Variants in COBLL1 observed in about 807,000 individuals in gnomAD.
COBLL1 encodes cordon-bleu protein-like 1.
In COBLL1, 50 loss-of-function variants were observed where a neutral mutation model predicts 94.8. That is an observed-to-expected ratio of 0.53 (90% CI 0.42 to 0.67). The LOEUF is 0.67. COBLL1 is among the 30% of genes least tolerant of loss of function. The pLI is 0.00. For synonymous variants in COBLL1, 448 were observed against 473.8 expected (o/e 0.95, Z 0.71); for missense variants, 1,362 against 1,348.7 (o/e 1.01, Z -0.15).
intron 13 of COBLL1, chr2:164,687,592 A>C: frequency 8.5e-7 from 1 of 1,171,260 alleles, no homozygotes; most frequent in Non-Finnish European, 1.3e-6. Context: ...GCCTGTTTGA[A>C]GCCTACATTG....
intron 2 of COBLL1, among the ~76,000 whole-genome samples, chr2:164,763,552 AC>A (rs759330336): frequency 2.0e-3 from 306 of 152,320 alleles, no homozygotes; most frequent in Non-Finnish European, 3.6e-3. Flanking sequence ...ATTTTTGAAA[AC>A]AAAAGACTAG....
intron 7 of COBLL1, chr2:164,718,248 G>A (rs1459361028): frequency 1.5e-5 from 15 of 984,540 alleles, no homozygotes; most frequent in Non-Finnish European, 1.8e-5. Flanking sequence ...CTGCCTTCTG[G>A]GTGGGGAAAA....
chr2:164,688,504 T>TA (rs1202944634), intron 13 of COBLL1, among the ~76,000 whole-genome samples: 1 of 152,148 alleles, frequency 6.6e-6, no homozygotes, highest in Non-Finnish European at 1.5e-5. Context: ...TACAGATACT[T>TA]AAAAAAACAG....
At chr2:164,673,113 G>A (rs1023623560) in intron 1 of COBLL1, among the ~76,000 whole-genome samples, 13 of 152,128 alleles carry the variant, frequency 8.5e-5, no homozygotes, top group African/African-American at 3.1e-4. Flanking sequence ...CATAATTCAT[G>A]TCTGTTATTC....
chr2:164,790,831 G>A (rs355911), intron 2 of COBLL1, among the ~76,000 whole-genome samples: 42,711 of 151,876 alleles, frequency 0.28, 6,516 homozygotes, highest in African/African-American at 0.39. Flanking sequence ...ACCATTGATC[G>A]CTGATGGGAA....
intron 7 of COBLL1, among the ~76,000 whole-genome samples, chr2:164,712,045 G>T (rs1206963631): frequency 6.6e-6 from 1 of 152,128 alleles, no homozygotes; most frequent in Admixed American, 6.5e-5. Context: ...ATGCCAGATT[G>T]TTAATCCCCC....
At chr2:164,733,056 AAAAAC>A (rs778368211) in intron 3 of COBLL1, among the ~76,000 whole-genome samples, 3 of 152,358 alleles carry the variant, frequency 2.0e-5, no homozygotes, top group East Asian at 1.9e-4. Context: ...CTCCATCTCA[AAAAAC>A]AAAACAAAAC....
At chr2:164,677,450 CT>C (rs1284482508), downstream of COBLL1, among the ~76,000 whole-genome samples, 1 of 152,104 alleles carries the variant, frequency 6.6e-6, no homozygotes, top group Middle Eastern at 3.2e-3. Context: ...AAAAAAAGAA[CT>C]ATTATGGGAC....
chr2:164,754,381 A>C (rs1687287857), intron 2 of COBLL1, among the ~76,000 whole-genome samples: 1 of 152,186 alleles, frequency 6.6e-6, no homozygotes, highest in Admixed American at 6.6e-5. Flanking sequence ...ATTGGCTGTC[A>C]TTTCTGAGAT....
chr2:164,718,754 A>G (rs1685301455), intron 7 of COBLL1, among the ~76,000 whole-genome samples: 1 of 152,198 alleles, frequency 6.6e-6, no homozygotes, highest in Admixed American at 6.5e-5. Context: ...AAAACTCTCC[A>G]TGAATCTGAT....
intron 11 of COBLL1, chr2:164,697,915 C>T (rs1684038363): frequency 1.3e-5 from 2 of 151,962 alleles, no homozygotes; most frequent in Non-Finnish European, 2.9e-5. Flanking sequence ...TGACCCTCTA[C>T]TCAAAAGTGA....
At chr2:164,771,049 T>C (rs559486234) in intron 2 of COBLL1, among the ~76,000 whole-genome samples, 1 of 152,224 alleles carries the variant, frequency 6.6e-6, no homozygotes, top group South Asian at 2.1e-4. Flanking sequence ...CCACTTATGT[T>C]ACTCTTACAA....
Position 164,722,519 on chromosome 2 carries a change from G to C in COBLL1, c.665C>G (p.Ser222Cys), listed in dbSNP as rs376899183. ...ATCTAGGTTTTGTGATATTTGGCAG[G>C]ACTCTAAAATAGAAGAAAAGCATCT... ...ELYAMDVNRE[S>C]CQISQNLDIM... Residue 222 changes from serine (S) to cysteine (C), a missense_variant, in exon 6 of 14, where the codon TCC becomes TGC. Coordinates refer to ENST00000652658, the MANE Select transcript of COBLL1 (RefSeq NM_001365672.2). 2.7e-6 allele frequency: 4 copies of C among 1,464,780 alleles called. No homozygotes were observed. The highest frequency in any genetic ancestry group is 3.7e-6 in the Non-Finnish European group (4 of 1,092,982). The allele number at this position is 1,464,780 out of a possible 1,614,324, so 90.7% of individuals were successfully genotyped here.
chr2:164,701,977 C>A (rs898312348), intron 9 of COBLL1, among the ~76,000 whole-genome samples: 33 of 152,030 alleles, frequency 2.2e-4, no homozygotes, highest in African/African-American at 7.5e-4. Context: ...AAATTTTTAA[C>A]ATAATTCAAT....
At position 164,712,260 on chromosome 2, in the gene COBLL1, A is replaced by C. The variant is rs1574455811; in HGVS notation, c.997-7155T>G. On this transcript the variant is annotated intron_variant, in intron 7 of 13. Coordinates refer to ENST00000652658, the MANE Select transcript of COBLL1 (RefSeq NM_001365672.2). ...ATTAAAGAGTTAAATGAAAGAATACATATGGAAAATAAAAACACTCAGGGG... is the reference window on the plus strand; with the variant it reads ...ATTAAAGAGTTAAATGAAAGAATACCTATGGAAAATAAAAACACTCAGGGG... Among the ~76,000 whole-genome samples the C allele has an allele frequency of 3.3e-5, 5 of 152,284 alleles. No individual in the cohort carries two copies. The South Asian group carries it at 6.2e-4, about 19-fold the overall frequency.
Position 164,841,525 on chromosome 2 carries a change from G to T in COBLL1, c.-51+185C>A. ...GTAGCCATTTGGCGCCTCTCGGAGG[G>T]AGAGGAGCCGCCGGGGCTGGAAAAG... On this transcript the variant is annotated intron_variant, in intron 1 of 13. Transcript: ENST00000652658. This position sits in a 1 kb window ranked among gnomAD's most constrained non-coding sequence, Gnocchi z 5.5. 2.1e-6 allele frequency: 2 copies of T among 961,742 alleles called. No homozygotes were observed. The highest frequency in any genetic ancestry group is 2.6e-6 in the Non-Finnish European group (2 of 773,554). The allele number at this position is 961,742 out of a possible 1,614,324, so 59.6% of individuals were successfully genotyped here.
intron 2 of COBLL1, among the ~76,000 whole-genome samples, chr2:164,797,076 A>C (rs1489873972): frequency 6.6e-6 from 1 of 152,192 alleles, no homozygotes; most frequent in African/African-American, 2.4e-5. Context: ...TTGCCTATAA[A>C]GTTTCTAAAA....
chr2:164,723,342 G>A (rs142990882), intron 5 of COBLL1: 2 of 152,224 alleles, frequency 1.3e-5, no homozygotes, highest in East Asian at 3.9e-4. Flanking sequence ...ATCAACTGAA[G>A]GGCCTACAAA....
intron 2 of COBLL1, among the ~76,000 whole-genome samples, chr2:164,663,300 T>C (rs1167874902): frequency 1.3e-5 from 2 of 152,226 alleles, no homozygotes; most frequent in African/African-American, 2.4e-5. Flanking sequence ...ATTCTAAATA[T>C]TGAGCCATGA....
Sources: allele counts gnomAD v4.1 joint callset (sites outside exome capture counted in the v4.1 genomes callset), GRCh38; gene constraint gnomAD v4.1.1; non-coding constraint Gnocchi (gnomAD v3.1); transcripts MANE v1.5; gene names NCBI Gene and HGNC (gene_info 2026-07-23, HGNC 2026-07-21).